Variants in GPHN observed in about 807,000 individuals in gnomAD.
GPHN encodes gephyrin.
GPHN carries 17 observed loss-of-function variants against 95.5 expected under a neutral mutation model. The ratio of observed to expected loss-of-function variants is 0.18; its 90% CI spans 0.12 to 0.27. The LOEUF is 0.27. Among genes scored for constraint, GPHN ranks in the 10% least tolerant of loss-of-function variants. The probability of loss-of-function intolerance (pLI) is 1.00; values close to 1 mark genes in which losing one functional copy is unlikely to be tolerated. For missense variants in GPHN, 660 were observed against 978.1 expected (o/e 0.67, Z 4.34); for synonymous variants, 320 against 322.5 (o/e 0.99, Z 0.08).
rs372234173 is a variant in GPHN at position 66,859,030 on chromosome 14, A to G, written c.295-20909A>G. The stretch of plus-strand genomic sequence containing the variant: ...AATGTCTAAGGTTTTTTTTAATTCC[A>G]GTCCCTCGCTCCCAGACAGCATCTC... On this transcript the variant is annotated intron_variant, in intron 4 of 22. Transcript: ENST00000478722. Among the ~76,000 whole-genome samples, 15 of 152,260 alleles carry G rather than the reference A, an allele frequency of 9.9e-5. No individual in the cohort carries two copies. In the East Asian group the frequency reaches 2.1e-3, roughly 22 times the overall value.
At chr14:66,536,357 CATTG>C (rs2059145236) in intron 1 of GPHN, among the ~76,000 whole-genome samples, 1 of 152,178 alleles carries the variant, frequency 6.6e-6, no homozygotes, top group African/African-American at 2.4e-5. Context: ...TGGTGAATTA[CATTG>C]ATTGATTTTT....
At chr14:67,317,503 G>C in the GPHN span, 1 of 1,526,032 alleles carries the variant, frequency 6.6e-7, no homozygotes, top group Non-Finnish European at 9.0e-7. Flanking sequence ...TCAGGGATAG[G>C]TGGAATTATA....
chr14:67,515,332 T>G, the GPHN span: 2 of 158,954 alleles, frequency 1.3e-5, no homozygotes, highest in African/African-American at 4.8e-5. Flanking sequence ...AGTCCCGCAT[T>G]GTGTGTCGGC....
At chr14:67,379,651 TTTC>T in the GPHN span, among the ~76,000 whole-genome samples, 282 of 138,680 alleles carry the variant, frequency 2.0e-3, 2 homozygotes, top group African/African-American at 8.0e-3. Context: ...TTTTTTTCTT[TTTC>T]TTTTTTTTTT....
intron 1 of GPHN, among the ~76,000 whole-genome samples, chr14:66,567,692 T>C (rs1434118787): frequency 1.3e-5 from 2 of 152,216 alleles, no homozygotes; most frequent in Non-Finnish European, 2.9e-5. Flanking sequence ...TTATAGGTTT[T>C]ATTGGTATTA....
intron 1 of GPHN, among the ~76,000 whole-genome samples, chr14:66,554,481 A>C (rs1325068228): frequency 6.6e-6 from 1 of 152,182 alleles, no homozygotes; most frequent in Non-Finnish European, 1.5e-5. Flanking sequence ...CGGAAGGCAA[A>C]GGGGTAGCAA....
the GPHN span, among the ~76,000 whole-genome samples, chr14:67,286,312 G>C: frequency 6.6e-6 from 1 of 151,998 alleles, no homozygotes; most frequent in Non-Finnish European, 1.5e-5. Flanking sequence ...TCTTGTGTCT[G>C]TTGTCTGTCT....
At chr14:66,726,670 A>G (rs1345824835) in intron 2 of GPHN, among the ~76,000 whole-genome samples, 1 of 152,224 alleles carries the variant, frequency 6.6e-6, no homozygotes, top group Non-Finnish European at 1.5e-5. Flanking sequence ...TATCAGAATA[A>G]CAAAGTCTGT....
chr14:67,072,903 T>A (rs929421999), intron 11 of GPHN, among the ~76,000 whole-genome samples: 2 of 152,118 alleles, frequency 1.3e-5, no homozygotes, highest in African/African-American at 4.8e-5. Context: ...ATTTCCTTAC[T>A]TTCATTCTAG....
the GPHN span, among the ~76,000 whole-genome samples, chr14:67,535,820 C>G: frequency 6.6e-6 from 1 of 152,170 alleles, no homozygotes; most frequent in Non-Finnish European, 1.5e-5. Context: ...CTTTAATTCT[C>G]AAAAAGCCCT....
At chr14:66,883,059 C>T (rs1221262982) in intron 5 of GPHN, among the ~76,000 whole-genome samples, 1 of 151,682 alleles carries the variant, frequency 6.6e-6, no homozygotes, top group East Asian at 1.9e-4. Flanking sequence ...TTTAGATTAT[C>T]CTTCTGGGTT....
the GPHN span, chr14:67,646,698 A>G: frequency 6.2e-7 from 1 of 1,613,672 alleles, no homozygotes; most frequent in Non-Finnish European, 8.5e-7. Flanking sequence ...TTCTGCAAGT[A>G]TTGTGTATAT....
intron 2 of GPHN, among the ~76,000 whole-genome samples, chr14:66,738,062 T>C (rs1448201153): frequency 6.6e-6 from 1 of 152,154 alleles, no homozygotes; most frequent in Non-Finnish European, 1.5e-5. Flanking sequence ...CCAGGGAACA[T>C]GTAAAATGGT....
chr14:67,468,132 C>T, the GPHN span, among the ~76,000 whole-genome samples: 4 of 152,128 alleles, frequency 2.6e-5, no homozygotes, highest in Non-Finnish European at 5.9e-5. Flanking sequence ...CGCTACCACA[C>T]CCAGCTAATT....
chr14:66,522,015 C>T (rs933244475), intron 1 of GPHN, among the ~76,000 whole-genome samples: 3 of 151,998 alleles, frequency 2.0e-5, no homozygotes, highest in Non-Finnish European at 2.9e-5. Context: ...CCTGCTTCTG[C>T]CATGAAAATG....
the GPHN span, among the ~76,000 whole-genome samples, chr14:67,458,056 G>A: frequency 6.6e-6 from 1 of 152,222 alleles, no homozygotes; most frequent in Non-Finnish European, 1.5e-5. Flanking sequence ...AATTGAAGGT[G>A]GAGCTGGCCA....
the GPHN span, among the ~76,000 whole-genome samples, chr14:67,548,675 C>T: frequency 3.3e-5 from 5 of 151,924 alleles, no homozygotes; most frequent in Non-Finnish European, 7.4e-5. Context: ...CCAGCTCGGG[C>T]GACAAGAGCA....
chr14:67,146,853 G>A (rs926277583), intron 18 of GPHN, among the ~76,000 whole-genome samples: 2 of 152,144 alleles, frequency 1.3e-5, no homozygotes, highest in Non-Finnish European at 2.9e-5. Context: ...GGCCAACATG[G>A]CAAAACCCCA....
chr14:67,573,034 A>G, the GPHN span, among the ~76,000 whole-genome samples: 3 of 152,082 alleles, frequency 2.0e-5, no homozygotes, highest in East Asian at 3.9e-4. This position sits in a 1 kb window ranked among gnomAD's most constrained non-coding sequence, Gnocchi z 4.8. Context: ...CTACCTTCTC[A>G]TAGTGAGGTC....
Sources: allele counts gnomAD v4.1 joint callset (sites outside exome capture counted in the v4.1 genomes callset), GRCh38; gene constraint gnomAD v4.1.1; non-coding constraint Gnocchi (gnomAD v3.1); transcripts MANE v1.5; gene names NCBI Gene and HGNC (gene_info 2026-07-23, HGNC 2026-07-21).